The following CEP43 variants were observed in gnomAD, a reference collection of about 807,000 sequenced individuals.
The protein encoded by CEP43 is FGFR1 oncogene partner.
Under a neutral mutation model 52.6 loss-of-function variants are expected in CEP43, and 36 were observed. That is an observed-to-expected ratio of 0.68 (90% CI 0.52 to 0.90). The LOEUF is 0.90. Ranked by LOEUF, CEP43 falls within the 40% of genes least tolerant of loss-of-function variation. The pLI, the probability that CEP43 is intolerant of heterozygous loss-of-function variation, is 0.00. For missense variants in CEP43, 506 were observed against 472.8 expected (o/e 1.07, Z -0.65); for synonymous variants, 192 against 172.4 (o/e 1.11, Z -0.89).
chr6:167,030,597 C>T (rs1780446852), intron 10 of CEP43, among the ~76,000 whole-genome samples: 2 of 152,144 alleles, frequency 1.3e-5, no homozygotes, highest in Non-Finnish European at 2.9e-5. Context: ...GGAACAAGGA[C>T]TCATGTTTTC....
chr6:167,002,509 A>G (rs1779759034), intron 2 of CEP43, among the ~76,000 whole-genome samples: 1 of 152,230 alleles, frequency 6.6e-6, no homozygotes, highest in Non-Finnish European at 1.5e-5. Context: ...ACTAGGTCAC[A>G]TGCTAGGAAT....
rs991452882 is a variant in CEP43, at chr6:167,049,867, A to G, written c.*9889A>G. On this transcript the variant is annotated 3_prime_UTR_variant, in exon 13 of 13. Coordinates refer to ENST00000366847, the MANE Select transcript of CEP43 (RefSeq NM_007045.4). The stretch of plus-strand genomic sequence containing the variant: ...CTTCCAGTTTCTCCACATCATCACG[A>G]ATACTCCTTATTCTCTCTCTTTTTA... 6.6e-6 allele frequency: 1 copy of G among 152,218 alleles called. No individual in the cohort carries two copies. The highest frequency in any genetic ancestry group is 1.5e-5 in the Non-Finnish European group (1 of 68,040). The allele number at this position is 152,218 out of a possible 1,614,324, so 9.4% of individuals were successfully genotyped here. A position where few individuals can be genotyped will look rare whatever the true frequency, so the allele number is the denominator to read the frequency against.
intron 12 of CEP43, among the ~76,000 whole-genome samples, chr6:167,038,989 T>C (rs1780637177): frequency 6.6e-6 from 1 of 152,154 alleles, no homozygotes; most frequent in Non-Finnish European, 1.5e-5. Flanking sequence ...GTCCATTGTA[T>C]CATTCTTATG....
In CEP43 at chr6:167,004,364, G is replaced by A. The variant is rs1015360658; in HGVS notation, c.401G>A (p.Arg134His). Residue 134 changes from arginine to histidine, a missense_variant, in exon 5 of 13, where the codon CGC (arginine) becomes CAC (histidine). Coordinates refer to ENST00000366847, the MANE Select transcript of CEP43 (RefSeq NM_007045.4). The part of the protein sequence containing the change: ...GGPLLLEVIR[R>H]CQQKEKGPTT... Reference sequence around the variant, plus strand: ...CCCTTATTATTAGAAGTGATCAGGCGCTGTCAACAGAAAGAAAAAGGGCCA... The same window carrying A: ...CCCTTATTATTAGAAGTGATCAGGCACTGTCAACAGAAAGAAAAAGGGCCA... 9 of 1,603,492 alleles carry A rather than the reference G, an allele frequency of 5.6e-6. No individual in the cohort carries two copies. Among genetic ancestry groups the A allele is most frequent in the South Asian group, 2.3e-5 (2 of 88,834 alleles).
rs1187941359 is a variant in CEP43 at position 167,028,242 on chromosome 6, T to G, written c.988+1627T>G. 3.0e-6 allele frequency: 3 copies of G among 985,330 alleles called. No individual in the cohort carries two copies. The African/African-American group carries it at 5.2e-5, about 17-fold the overall frequency. The allele number at this position is 985,330 out of a possible 1,614,324, so 61.0% of individuals were successfully genotyped here. A position where few individuals can be genotyped will look rare whatever the true frequency, so the allele number is the denominator to read the frequency against. ...CTCTATTCTCTTACCAAAGCGAGGG[T>G]TTTCCCTCCTGTTTCTGAGTGGGGA... On this transcript the variant is annotated intron_variant, in intron 10 of 12. Transcript: ENST00000366847.
At position 167,044,621 on chromosome 6, in the gene CEP43, C is replaced by T. The variant is rs768082564; in HGVS notation, c.*4643C>T. The T allele has an allele frequency of 2.8e-5, 24 of 863,420 alleles. No homozygotes were observed. Among genetic ancestry groups the T allele is most frequent in the Non-Finnish European group, 3.1e-5 (22 of 718,748 alleles). 53.5% of individuals were successfully genotyped at this position (863,420 alleles called of 1,614,324 possible). On this transcript the variant is annotated 3_prime_UTR_variant, in exon 13 of 13. Coordinates refer to ENST00000366847, the MANE Select transcript of CEP43 (RefSeq NM_007045.4). ...TGAATGTGAAATTTATTCCCTGATACATGTTTTTAAAAATGAATCTTGCTG... is the reference window on the plus strand; with the variant it reads ...TGAATGTGAAATTTATTCCCTGATATATGTTTTTAAAAATGAATCTTGCTG...
intron 5 of CEP43, among the ~76,000 whole-genome samples, chr6:167,006,174 G>A (rs888576192): frequency 6.6e-6 from 1 of 152,188 alleles, no homozygotes; most frequent in Non-Finnish European, 1.5e-5. Context: ...GGAGGACTCT[G>A]TGTGTTACTG....
chr6:167,027,757 A>G, intron 10 of CEP43: 1 of 516,806 alleles, frequency 1.9e-6, no homozygotes, highest in Non-Finnish European at 2.5e-6. Context: ...TTAAAGAGTA[A>G]ATAGGATTTA....
At chr6:166,999,961 AGCTCGTTGGCTT>A in intron 1 of CEP43, 87 bp from the exon 2 acceptor site, 1 of 1,021,436 alleles carries the variant, frequency 9.8e-7, no homozygotes, top group Non-Finnish European at 1.5e-6. Context: ...CTGCCCTCCC[AGCTCGTTGGCTT>A]GCTCGTGTTT....
Position 167,041,887 on chromosome 6 carries a change from G to C in CEP43, c.*1909G>C, listed in dbSNP as rs573629834. The C allele has an allele frequency of 3.3e-5, 27 of 826,730 alleles. No homozygotes were observed. The highest frequency in any genetic ancestry group is 1.7e-4 in the South Asian group (3 of 17,784). 51.2% of individuals were successfully genotyped at this position (826,730 alleles called of 1,614,324 possible). On this transcript the variant is annotated 3_prime_UTR_variant, in exon 13 of 13. Coordinates refer to ENST00000366847, the MANE Select transcript of CEP43 (RefSeq NM_007045.4). ...CACTCAGACTGGAGTACAGTGATGC[G>C]ATCTCGGCTCACTGCAACCTCCGCC... is the stretch of plus-strand genomic sequence containing the variant.
chr6:167,042,240 G>C lies in CEP43; in HGVS notation c.*2262G>C. On this transcript the variant is annotated 3_prime_UTR_variant, in exon 13 of 13. Coordinates refer to ENST00000366847, the MANE Select transcript of CEP43 (RefSeq NM_007045.4). ...CTTATGAAACTTGAAGATGTGAAGT[G>C]ACAGGTTTTGCATGTGATGAGTGTT... 2 of 1,006,730 alleles carry C rather than the reference G, an allele frequency of 2.0e-6. No homozygotes were observed. Among genetic ancestry groups the C allele is most frequent in the Non-Finnish European group, 2.4e-6 (2 of 841,772 alleles). The allele number at this position is 1,006,730 out of a possible 1,614,324, so 62.4% of individuals were successfully genotyped here. A position where few individuals can be genotyped will look rare whatever the true frequency, so the allele number is the denominator to read the frequency against.
intron 2 of CEP43, among the ~76,000 whole-genome samples, chr6:167,000,457 G>A (rs1779708704): frequency 6.6e-6 from 1 of 152,152 alleles, no homozygotes; most frequent in African/African-American, 2.4e-5. Flanking sequence ...CCTATGAAAC[G>A]GGGTATATAG....
At position 167,044,247 on chromosome 6, in the gene CEP43, A is replaced by AT. The variant is rs1780758701; in HGVS notation, c.*4272dup. ...ATGCCACTCCGAGATTTGAGGTAACATTTGAATCTAAAAGAGGCTATATGA... is the reference window on the plus strand; with the variant it reads ...ATGCCACTCCGAGATTTGAGGTAACATTTTGAATCTAAAAGAGGCTATATGA... On this transcript the variant is annotated 3_prime_UTR_variant, in exon 13 of 13. Coordinates refer to ENST00000366847, the MANE Select transcript of CEP43 (RefSeq NM_007045.4). 4.7e-6 allele frequency: 1 copy of AT among 214,078 alleles called. No homozygotes were observed. Among genetic ancestry groups the AT allele is most frequent in the African/African-American group, 2.3e-5 (1 of 42,656 alleles). The allele number at this position is 214,078 out of a possible 1,614,324, so 13.3% of individuals were successfully genotyped here. A position where few individuals can be genotyped will look rare whatever the true frequency, so the allele number is the denominator to read the frequency against.
intron 2 of CEP43, 114 bp downstream of exon 2, chr6:167,000,227 AC>A (rs1779703090): frequency 1.3e-6 from 1 of 798,174 alleles, no homozygotes; most frequent in African/African-American, 1.8e-5. Context: ...ATAATTTTGA[AC>A]TGTTAAGGAT....
intron 4 of CEP43, 89 bp from the exon 5 acceptor site, chr6:167,004,175 T>A (rs1418709283): frequency 9.3e-5 from 123 of 1,317,552 alleles, no homozygotes; most frequent in Non-Finnish European, 1.2e-4. Context: ...AGTTTAAAGA[T>A]GTCTTTAAAC....
intron 3 of CEP43, 80 bp from the exon 4 acceptor site, chr6:167,003,643 G>C (rs1395240800): frequency 1.3e-6 from 1 of 779,946 alleles, no homozygotes; most frequent in Non-Finnish European, 2.1e-6. Flanking sequence ...CATTAATTTA[G>C]TGTATCTATT....
Position 167,047,134 on chromosome 6 carries a change from G to A in CEP43, c.*7156G>A, listed in dbSNP as rs1780810212. The A allele has an allele frequency of 1.3e-5, 2 of 152,260 alleles. No individual in the cohort carries two copies. Among genetic ancestry groups the A allele is most frequent in the Admixed American group, 1.3e-4 (2 of 15,280 alleles). 9.4% of individuals were successfully genotyped at this position (152,260 alleles called of 1,614,324 possible). ...TGTGAGCAAACCTTCTTCAGAGAGGGGATGTTCAATGCGAAATTTGAACAT... is the reference window on the plus strand; with the variant it reads ...TGTGAGCAAACCTTCTTCAGAGAGGAGATGTTCAATGCGAAATTTGAACAT... On this transcript the variant is annotated 3_prime_UTR_variant, in exon 13 of 13. Coordinates refer to ENST00000366847, the MANE Select transcript of CEP43 (RefSeq NM_007045.4).
At position 167,042,145 on chromosome 6, in the gene CEP43, T is replaced by C. The variant is rs189665387; in HGVS notation, c.*2167T>C. Reference sequence around the variant, plus strand: ...ACTACATCCATTTTATTGAATGATTTTGAATGACTTAAAGTTCAACTATGA... The same window carrying C: ...ACTACATCCATTTTATTGAATGATTCTGAATGACTTAAAGTTCAACTATGA... On this transcript the variant is annotated 3_prime_UTR_variant, in exon 13 of 13. Coordinates refer to ENST00000366847, the MANE Select transcript of CEP43 (RefSeq NM_007045.4). The C allele has an allele frequency of 1.0e-3, 1,010 of 1,009,008 alleles. 5 individuals carry two copies. In the Middle Eastern group the frequency reaches 0.018, roughly 18 times the overall value. 62.5% of individuals were successfully genotyped at this position (1,009,008 alleles called of 1,614,324 possible).
chr6:167,048,274 G>A lies in CEP43; in HGVS notation c.*8296G>A, dbSNP rs1164386455. The A allele has an allele frequency of 2.0e-5, 3 of 152,388 alleles. No individual in the cohort carries two copies. Among genetic ancestry groups the A allele is most frequent in the African/African-American group, 7.2e-5 (3 of 41,560 alleles). 9.4% of individuals were successfully genotyped at this position (152,388 alleles called of 1,614,324 possible). A position where few individuals can be genotyped will look rare whatever the true frequency, so the allele number is the denominator to read the frequency against. ...CTAGGCATCATGGCCTGTGCCTGTA[G>A]TCCTAGCTATTGAGGAAACTGATGC... On this transcript the variant is annotated 3_prime_UTR_variant, in exon 13 of 13. Coordinates refer to ENST00000366847, the MANE Select transcript of CEP43 (RefSeq NM_007045.4).
Sources: allele counts gnomAD v4.1 joint callset (sites outside exome capture counted in the v4.1 genomes callset), GRCh38; gene constraint gnomAD v4.1.1; transcripts MANE v1.5; gene names NCBI Gene and HGNC (gene_info 2026-07-23, HGNC 2026-07-21).